Variants in ARGLU1 observed in about 807,000 individuals in gnomAD.
The protein encoded by ARGLU1 is arginine and glutamate rich 1.
A neutral mutation model predicts 37.6 loss-of-function variants in ARGLU1; 9 were observed. That is an observed-to-expected ratio of 0.24 (90% CI 0.14 to 0.42). The LOEUF (loss-of-function observed/expected upper bound fraction) is 0.42. Ranked by LOEUF, ARGLU1 falls within the 10% of genes least tolerant of loss-of-function variation. ARGLU1 has a pLI of 1.00. For synonymous variants in ARGLU1, 166 were observed against 138.5 expected, an observed-to-expected ratio of 1.20 and a Z score of -1.39; for missense variants, 211 against 359.2, an observed-to-expected ratio of 0.59 and a Z score of 3.34.
intron 3 of ARGLU1, among the ~76,000 whole-genome samples, chr13:106,547,308 C>T (rs117252580): frequency 2.2e-4 from 33 of 152,256 alleles, no homozygotes; most frequent in African/African-American, 5.3e-4. Flanking sequence ...ATTACATCTT[C>T]GTAATACTTT....
intron 3 of ARGLU1, among the ~76,000 whole-genome samples, chr13:106,555,683 C>A (rs1311433137): frequency 6.6e-6 from 1 of 152,152 alleles, no homozygotes; most frequent in Non-Finnish European, 1.5e-5. Context: ...TGATCACACA[C>A]CGAAAGTCAT....
chr13:106,544,941 C>T (rs1191042033), intron 3 of ARGLU1, among the ~76,000 whole-genome samples: 3 of 152,208 alleles, frequency 2.0e-5, no homozygotes, highest in African/African-American at 7.2e-5. Context: ...CAACTCCTTC[C>T]ATGTCAAGCA....
At chr13:106,549,984 T>C (rs181505690) in intron 3 of ARGLU1, among the ~76,000 whole-genome samples, 358 of 152,358 alleles carry the variant, frequency 2.3e-3, no homozygotes, top group Non-Finnish European at 4.1e-3. Flanking sequence ...ATAAAGGTAT[T>C]ATCTAGATGT....
rs1051747583 is a variant in ARGLU1 at position 106,543,858 on chromosome 13, T to C, written c.*138A>G. On this transcript the variant is annotated 3_prime_UTR_variant, in exon 4 of 4. Coordinates refer to ENST00000400198, the MANE Select transcript of ARGLU1 (RefSeq NM_018011.4). Reference sequence around the variant, plus strand: ...AAAAAAAAAAGGGAATTGCAGAGCATAGCCCCTATTAGAACAAGCTAACTT... The same window carrying C: ...AAAAAAAAAAGGGAATTGCAGAGCACAGCCCCTATTAGAACAAGCTAACTT... 7.6e-6 allele frequency: 5 copies of C among 656,704 alleles called. No homozygotes were observed. Among genetic ancestry groups the C allele is most frequent in the Admixed American group, 7.4e-5 (2 of 27,028 alleles). The allele number at this position is 656,704 out of a possible 1,614,324, so 40.7% of individuals were successfully genotyped here. A position where few individuals can be genotyped will look rare whatever the true frequency, so the allele number is the denominator to read the frequency against.
At chr13:106,549,325 A>C (rs1880475127) in intron 3 of ARGLU1, among the ~76,000 whole-genome samples, 1 of 152,242 alleles carries the variant, frequency 6.6e-6, no homozygotes, top group African/African-American at 2.4e-5. Context: ...TGTGATTTCT[A>C]CATTTTAAAC....
chr13:106,555,978 A>T (rs1308200733), intron 3 of ARGLU1, among the ~76,000 whole-genome samples: 2 of 152,160 alleles, frequency 1.3e-5, no homozygotes, highest in African/African-American at 2.4e-5. Flanking sequence ...ACCAGAGTGT[A>T]TTTACCCTTC....
chr13:106,560,734 ATC>A (rs1880777885), intron 1 of ARGLU1, among the ~76,000 whole-genome samples: 1 of 152,208 alleles, frequency 6.6e-6, no homozygotes. Flanking sequence ...CTTGCAGTAA[ATC>A]TCAATCCTAA....
At chr13:106,544,718 CAT>C (rs1315526640) in intron 3 of ARGLU1, among the ~76,000 whole-genome samples, 1 of 151,956 alleles carries the variant, frequency 6.6e-6, no homozygotes, top group African/African-American at 2.4e-5. Context: ...AAAACAGAAA[CAT>C]AGGAAAAAAT....
rs1360957539 is a variant in ARGLU1, at chr13:106,543,274, G to A, written c.*722C>T. 2.6e-5 allele frequency: 4 copies of A among 152,412 alleles called. No homozygotes were observed. The South Asian group carries it at 8.3e-4, about 32-fold the overall frequency. The allele number at this position is 152,412 out of a possible 1,614,324, so 9.4% of individuals were successfully genotyped here. A position where few individuals can be genotyped will look rare whatever the true frequency, so the allele number is the denominator to read the frequency against. On this transcript the variant is annotated 3_prime_UTR_variant, in exon 4 of 4. Coordinates refer to ENST00000400198, the MANE Select transcript of ARGLU1 (RefSeq NM_018011.4). The stretch of plus-strand genomic sequence containing the variant: ...TCTAAATGGTTGACCATCAAAAAGT[G>A]AACCACCCTCTTTAAGACTTAACAT...
At chr13:106,554,657 C>A (rs1388889322) in intron 3 of ARGLU1, among the ~76,000 whole-genome samples, 3 of 152,012 alleles carry the variant, frequency 2.0e-5, no homozygotes, top group African/African-American at 7.3e-5. Flanking sequence ...GAGGACGGTG[C>A]GGGTGGATCA....
intron 3 of ARGLU1, 102 bp downstream of exon 3, chr13:106,556,946 C>A (rs1880674914): frequency 9.9e-7 from 1 of 1,006,124 alleles, no homozygotes; most frequent in Admixed American, 1.9e-5. Flanking sequence ...AGAATCCCCC[C>A]AAAATAAGTC....
At position 106,567,465 on chromosome 13, in the gene ARGLU1, G is replaced by C. The variant is rs1881001386; in HGVS notation, c.347+108C>G. 1 of 774,508 alleles carries C rather than the reference G, an allele frequency of 1.3e-6. No individual in the cohort carries two copies. The highest frequency in any genetic ancestry group is 2.0e-6 in the Non-Finnish European group (1 of 507,106). The allele number at this position is 774,508 out of a possible 1,614,324, so 48.0% of individuals were successfully genotyped here. ...TTCCCGCGCCCGGTCCCCAGCCCCG[G>C]ACCGTCCCCGCCATTCTCCCGGCCC... is the stretch of plus-strand genomic sequence containing the variant. On this transcript the variant is annotated intron_variant, in intron 1 of 3. Coordinates refer to ENST00000400198, the MANE Select transcript of ARGLU1 (RefSeq NM_018011.4). The surrounding 1 kb of genome is among the most constrained non-coding windows in gnomAD (Gnocchi z 4.3).
chr13:106,567,029 G>A lies in ARGLU1; in HGVS notation c.347+544C>T, dbSNP rs1236487637. Among the ~76,000 whole-genome samples the A allele has an allele frequency of 6.6e-6, 1 of 152,022 alleles. No individual in the cohort carries two copies. The highest frequency in any genetic ancestry group is 1.5e-5 in the Non-Finnish European group (1 of 68,026). ...ACCTTAACAACAGGAATACACTAAA[G>A]TGAAAATGCATTTTTCTGGCGGACC... On this transcript the variant is annotated intron_variant, in intron 1 of 3. Coordinates refer to ENST00000400198, the MANE Select transcript of ARGLU1 (RefSeq NM_018011.4). This position sits in a 1 kb window ranked among gnomAD's most constrained non-coding sequence, Gnocchi z 4.3.
rs2138961343 is a variant in ARGLU1 at position 106,543,914 on chromosome 13, C to A, written c.*82G>T. On this transcript the variant is annotated 3_prime_UTR_variant, in exon 4 of 4. Coordinates refer to ENST00000400198, the MANE Select transcript of ARGLU1 (RefSeq NM_018011.4). ...ATTTTACAAATTAAAAAAACAAAAA[C>A]AAAAACAAAAAACCACTTCAACATG... 2.8e-5 allele frequency: 37 copies of A among 1,327,108 alleles called. No individual in the cohort carries two copies. The highest frequency in any genetic ancestry group is 9.4e-5 in the East Asian group (3 of 31,816). 82.2% of individuals were successfully genotyped at this position (1,327,108 alleles called of 1,614,324 possible).
intron 1 of ARGLU1, 68 bp from the exon 2 acceptor site, chr13:106,559,725 G>T: frequency 1.3e-6 from 2 of 1,493,232 alleles, no homozygotes; most frequent in Non-Finnish European, 9.0e-7. Flanking sequence ...AACAAAACTA[G>T]TTTTAAGTCT....
chr13:106,549,451 A>G (rs1450737426), intron 3 of ARGLU1, among the ~76,000 whole-genome samples: 1 of 152,034 alleles, frequency 6.6e-6, no homozygotes, highest in Non-Finnish European at 1.5e-5. Context: ...AATGAATAAA[A>G]AAATGAAAAA....
Position 106,561,572 on chromosome 13 carries a change from G to A in ARGLU1, c.348-1915C>T, listed in dbSNP as rs112035497. 7.2e-3 allele frequency among the ~76,000 whole-genome samples: 1,095 copies of A among 151,926 alleles called. 4 individuals carry two copies. The highest frequency in any genetic ancestry group is 0.013 in the African/African-American group (553 of 41,400). On this transcript the variant is annotated intron_variant, in intron 1 of 3. Coordinates refer to ENST00000400198, the MANE Select transcript of ARGLU1 (RefSeq NM_018011.4). ...ATGTGACTTTTAATTAACAATACTAGGTGGATCATAGTACCGACTATTAAA... is the reference window on the plus strand; with the variant it reads ...ATGTGACTTTTAATTAACAATACTAAGTGGATCATAGTACCGACTATTAAA...
At chr13:106,558,737 C>A in intron 2 of ARGLU1, 1 of 985,330 alleles carries the variant, frequency 1.0e-6, no homozygotes, top group Non-Finnish European at 1.2e-6. Context: ...ACAAGGACAA[C>A]CTGTTCCTTC....
chr13:106,545,568 G>A (rs115533668), intron 3 of ARGLU1, among the ~76,000 whole-genome samples: 1,690 of 152,180 alleles, frequency 0.011, 28 homozygotes, highest in African/African-American at 0.038. Flanking sequence ...TGATATATAT[G>A]TATTTTTTAA....
Sources: allele counts gnomAD v4.1 joint callset (sites outside exome capture counted in the v4.1 genomes callset), GRCh38; gene constraint gnomAD v4.1.1; non-coding constraint Gnocchi (gnomAD v3.1); transcripts MANE v1.5; gene names NCBI Gene and HGNC (gene_info 2026-07-23, HGNC 2026-07-21).